The following FAAH variants were observed in gnomAD, a reference collection of about 807,000 sequenced individuals.
FAAH encodes the protein fatty acid amide hydrolase, also known as fatty-acid amide hydrolase 1.
FAAH carries 63 observed loss-of-function variants against 69.7 expected under a neutral mutation model. That is an observed-to-expected ratio of 0.90 (90% CI 0.74 to 1.12). The LOEUF (loss-of-function observed/expected upper bound fraction) is 1.12. Among genes scored for constraint, FAAH ranks in the 50% most tolerant of loss-of-function variants. The pLI is 0.00. For synonymous variants in FAAH, 305 were observed against 324.2 expected, an observed-to-expected ratio of 0.94 and a Z score of 0.64; for missense variants, 680 against 755.0, an observed-to-expected ratio of 0.90 and a Z score of 1.16.
At position 46,405,206 on chromosome 1, in the gene FAAH, CT is replaced by C. The variant is rs1319133572; in HGVS notation, c.444+59del. On this transcript the variant is annotated intron_variant, in intron 3 of 14. Coordinates refer to ENST00000243167, the MANE Select transcript of FAAH (RefSeq NM_001441.3). This position sits in a 1 kb window ranked among gnomAD's most constrained non-coding sequence, Gnocchi z 4.1. ...TCCCCTCCATCCCTGCCAGCCTGCT[CT>C]GCATCTTGGGTCATTTTGGGCCCTT... The C allele has an allele frequency of 6.2e-7, 1 of 1,613,090 alleles. No homozygotes were observed. The highest frequency in any genetic ancestry group is 8.5e-7 in the Non-Finnish European group (1 of 1,180,022).
chr1:46,413,398 G>T, intron 14 of FAAH, 49 bp from the exon 15 acceptor site: 2 of 1,613,548 alleles, frequency 1.2e-6, no homozygotes, highest in South Asian at 2.2e-5. Flanking sequence ...GCCTGGGGGT[G>T]GGGAGTCCTG....
At chr1:46,400,027 A>AT (rs1664668183) in intron 1 of FAAH, among the ~76,000 whole-genome samples, 1 of 152,024 alleles carries the variant, frequency 6.6e-6, no homozygotes, top group Non-Finnish European at 1.5e-5. Context: ...TCTTGAACCC[A>AT]TTTTTTCTTC....
chr1:46,408,584 G>A lies in FAAH; in HGVS notation c.1077G>A (p.Thr359=), dbSNP rs570859362. 17 of 1,614,108 alleles carry A rather than the reference G, an allele frequency of 1.1e-5. No individual in the cohort carries two copies. The highest frequency in any genetic ancestry group is 6.7e-5 in the African/African-American group (5 of 75,028). ...TKQSLEAAGH[T]LVPFLPSNIP... is the part of the protein sequence containing the mutation. ...AGAGCCTTGAGGCTGCGGGGCACAC[G>A]GTATGACTGCAGGGTCCTGGAAGTA... The change falls in exon 8 of 15, where the codon ACG becomes ACA. Residue 359 remains threonine (T), a splice_region_variant and synonymous_variant. Coordinates refer to ENST00000243167, the MANE Select transcript of FAAH (RefSeq NM_001441.3).
Position 46,411,995 on chromosome 1 carries a change from C to T in FAAH, c.1357-148C>T. On this transcript the variant is annotated intron_variant, in intron 12 of 14. Transcript: ENST00000243167. The surrounding 1 kb of genome is among the most constrained non-coding windows in gnomAD (Gnocchi z 4.8). Reference sequence around the variant, plus strand: ...GCCCTCTGAGAGGCAGCACTGCCTGCCCGGAGGACCTGTGTCCCACTGTGG... The same window carrying T: ...GCCCTCTGAGAGGCAGCACTGCCTGTCCGGAGGACCTGTGTCCCACTGTGG... 4 of 745,274 alleles carry T rather than the reference C, an allele frequency of 5.4e-6. No individual in the cohort carries two copies. The highest frequency in any genetic ancestry group is 9.5e-6 in the Non-Finnish European group (4 of 420,980). The allele number at this position is 745,274 out of a possible 1,614,324, so 46.2% of individuals were successfully genotyped here.
In FAAH at chr1:46,410,073, A is replaced by G; in HGVS notation, c.1176-325A>G. 1 of 277,172 alleles carries G rather than the reference A, an allele frequency of 3.6e-6. No individual in the cohort carries two copies. The highest frequency in any genetic ancestry group is 4.7e-5 in the South Asian group (1 of 21,300). The allele number at this position is 277,172 out of a possible 1,614,324, so 17.2% of individuals were successfully genotyped here. On this transcript the variant is annotated intron_variant, in intron 9 of 14. Transcript: ENST00000243167. This position sits in a 1 kb window ranked among gnomAD's most constrained non-coding sequence, Gnocchi z 4.9. Reference sequence around the variant, plus strand: ...CCTCGATTTCCCCACCTGTGCCTCCAGGCTGTACCTCCCTAAGGGGAGGTA... The same window carrying G: ...CCTCGATTTCCCCACCTGTGCCTCCGGGCTGTACCTCCCTAAGGGGAGGTA...
chr1:46,394,498 G>A lies in FAAH; in HGVS notation c.150G>A (p.Ala50=), dbSNP rs1557754991. The stretch of plus-strand genomic sequence containing the variant: ...TCCGGGCGCGACAGAGGCAGCGAGC[G>A]GGCCTGGAGAACATGGACAGGGCGG... The part of the protein sequence containing the change: ...AVVRARQRQR[A]GLENMDRAAQ... Residue 50 remains alanine (A), a synonymous_variant, in exon 1 of 15, where the codon GCG becomes GCA. Transcript: ENST00000243167. 4 of 1,395,174 alleles carry A rather than the reference G, an allele frequency of 2.9e-6. No homozygotes were observed. In the African/African-American group the frequency reaches 6.0e-5, roughly 21 times the overall value. The allele number at this position is 1,395,174 out of a possible 1,614,324, so 86.4% of individuals were successfully genotyped here. A position where few individuals can be genotyped will look rare whatever the true frequency, so the allele number is the denominator to read the frequency against.
rs200330885 is a variant in FAAH at position 46,410,853 on chromosome 1, C to T, written c.1315C>T (p.Arg439Cys). The T allele has an allele frequency of 6.2e-6, 10 of 1,614,170 alleles. No individual in the cohort carries two copies. Among genetic ancestry groups the T allele is most frequent in the East Asian group, 2.2e-5 (1 of 44,872 alleles). The change falls in exon 11 of 15, where the codon CGT becomes TGT. Residue 439 changes from arginine to cysteine, a missense_variant and splice_region_variant. Physicochemically the swap from Arg to Cys is radical, Grantham distance 180 (BLOSUM62 -3). Transcript: ENST00000243167. This position sits in a 1 kb window ranked among gnomAD's most constrained non-coding sequence, Gnocchi z 4.9. ...AGCTTTCCTCAGCAACATGAAGTCT[C>T]GGTAAGGGTTCTTCTGTGTCTAGCT... is the stretch of plus-strand genomic sequence containing the variant. ...LSAFLSNMKSRSAGKLWELQH... is the reference protein window; with the variant it reads ...LSAFLSNMKSCSAGKLWELQH...
chr1:46,401,109 G>A (rs1330336565), intron 1 of FAAH, among the ~76,000 whole-genome samples: 4 of 95,962 alleles, frequency 4.2e-5, no homozygotes. Flanking sequence ...GGGAGGAGGG[G>A]GAAGCAGGCC....
In FAAH at chr1:46,412,143, G is replaced by T; in HGVS notation, c.1357G>T (p.Val453Leu). The change falls in exon 13 of 15, where the codon GTG becomes TTG. Residue 453 changes from valine (V) to leucine (L), a missense_variant and splice_region_variant. Physicochemically the swap from Val to Leu is conservative, Grantham distance 32. Transcript: ENST00000243167. The part of the protein sequence containing the change: ...KLWELQHEIE[V>L]YRKTVIAQWR... ...ACCTGGTGTGTTGTGTCCTCCGCAGGTGTACCGCAAAACCGTGATTGCCCA... is the reference window on the plus strand; with the variant it reads ...ACCTGGTGTGTTGTGTCCTCCGCAGTTGTACCGCAAAACCGTGATTGCCCA... 6.4e-7 allele frequency: 1 copy of T among 1,557,112 alleles called. No individual in the cohort carries two copies. The highest frequency in any genetic ancestry group is 8.7e-7 in the Non-Finnish European group (1 of 1,149,990).
intron 1 of FAAH, among the ~76,000 whole-genome samples, chr1:46,398,988 C>T (rs980479033): frequency 7.0e-5 from 7 of 99,632 alleles, no homozygotes; most frequent in Non-Finnish European, 9.7e-5. Flanking sequence ...CCCATTTTTT[C>T]CCACCCTGCC....
intron 6 of FAAH, 41 bp from the exon 7 acceptor site, chr1:46,406,203 G>A (rs41309147): frequency 0.094 from 151,338 of 1,613,836 alleles, 7,920 homozygotes; most frequent in Middle Eastern, 0.17. Context: ...TGGGTTCCTC[G>A]CTCCTTGTCT....
At chr1:46,406,851 C>T (rs1001959491) in intron 7 of FAAH, among the ~76,000 whole-genome samples, 34 of 152,038 alleles carry the variant, frequency 2.2e-4, no homozygotes, top group South Asian at 2.1e-4. Context: ...CGTGATCCGC[C>T]CGCCTCGGCC....
chr1:46,405,882 G>A lies in FAAH; in HGVS notation c.785+88G>A. The A allele has an allele frequency of 1.9e-6, 3 of 1,606,090 alleles. No homozygotes were observed. Among genetic ancestry groups the A allele is most frequent in the Admixed American group, 1.7e-5 (1 of 58,658 alleles). On this transcript the variant is annotated intron_variant, in intron 5 of 14. Transcript: ENST00000243167. This position sits in a 1 kb window ranked among gnomAD's most constrained non-coding sequence, Gnocchi z 4.1. ...TCTCTGGGCTCCAGGCGGGGATTCG[G>A]TCTCCGGGGTTTTGCTGGGAGGAAG...
intron 7 of FAAH, among the ~76,000 whole-genome samples, chr1:46,407,603 C>G (rs1664823597): frequency 6.6e-6 from 1 of 151,848 alleles, no homozygotes; most frequent in African/African-American, 2.4e-5. Context: ...TACTCTCTCT[C>G]TCTCTGTCTC....
chr1:46,402,242 TAAGGCCAGCC>T, intron 2 of FAAH, 38 bp downstream of exon 2: 2 of 1,520,162 alleles, frequency 1.3e-6, no homozygotes, highest in African/African-American at 2.8e-5. Flanking sequence ...CTGGGAAAGG[TAAGGCCAGCC>T]AAGGCCAGCC....
rs201246828 is a variant in FAAH at position 46,405,411 on chromosome 1, G to A, written c.484G>A (p.Val162Met). Reference protein sequence around the residue: ...STLGLSLNEGVPAECDSVVVH... With the variant: ...STLGLSLNEGMPAECDSVVVH... ...GCTGGGCTTGAGCCTGAATGAAGGG[G>A]TGCCGGCGGAGTGCGACAGCGTAGT... The change falls in exon 4 of 15, where the codon GTG becomes ATG. Residue 162 changes from valine (V) to methionine (M), a missense_variant. Physicochemically the swap from Val to Met is conservative, Grantham distance 21. Coordinates refer to ENST00000243167, the MANE Select transcript of FAAH (RefSeq NM_001441.3). This position sits in a 1 kb window ranked among gnomAD's most constrained non-coding sequence, Gnocchi z 4.1. 3 of 1,612,992 alleles carry A rather than the reference G, an allele frequency of 1.9e-6. No homozygotes were observed. The highest frequency in any genetic ancestry group is 8.5e-7 in the Non-Finnish European group (1 of 1,180,018).
intron 9 of FAAH, among the ~76,000 whole-genome samples, chr1:46,409,604 C>T (rs966926056): frequency 6.6e-6 from 1 of 152,134 alleles, no homozygotes; most frequent in African/African-American, 2.4e-5. Context: ...TCAGCTTTCT[C>T]TCCTGTAAAG....
In FAAH at chr1:46,413,462, G is replaced by A; in HGVS notation, c.1627G>A (p.Val543Met). 1.2e-6 allele frequency: 2 copies of A among 1,614,162 alleles called. No homozygotes were observed. The highest frequency in any genetic ancestry group is 1.7e-6 in the Non-Finnish European group (2 of 1,180,016). ...TCCCCTATAGGGCATGAAGAAGAGT[G>A]TGGGGCTGCCGGTGGCCGTGCAGTG... ...KMLQKGMKKS[V>M]GLPVAVQCVA... The change falls in exon 15 of 15, where the codon GTG becomes ATG. Residue 543 changes from valine (V) to methionine (M), a missense_variant. Transcript: ENST00000243167.
rs1664753539 is a variant in FAAH, at chr1:46,404,292, C to T, written c.310-722C>T. On this transcript the variant is annotated intron_variant, in intron 2 of 14. Coordinates refer to ENST00000243167, the MANE Select transcript of FAAH (RefSeq NM_001441.3). This position sits in a 1 kb window ranked among gnomAD's most constrained non-coding sequence, Gnocchi z 4.5. ...CACATGCCTGAATATGGCAACACAG[C>T]CCACCCTGTTTCCCCCAGATACTCC... 6.6e-6 allele frequency among the ~76,000 whole-genome samples: 1 copy of T among 152,232 alleles called. No homozygotes were observed. The highest frequency in any genetic ancestry group is 2.4e-5 in the African/African-American group (1 of 41,460).
Sources: gnomAD v4.1 joint callset for allele counts (sites outside exome capture counted in the v4.1 genomes callset) on GRCh38, gnomAD v4.1.1 for gene constraint, Gnocchi (gnomAD v3.1) non-coding constraint, MANE v1.5 for transcripts, NCBI Gene and HGNC (gene_info 2026-07-23, HGNC 2026-07-21) for gene names.